ZBTB40: variants seen among roughly 807,000 people sequenced by gnomAD.
ZBTB40 encodes the protein zinc finger and BTB domain-containing protein 40.
A neutral mutation model predicts 117.5 loss-of-function variants in ZBTB40; 60 were observed. That is an observed-to-expected ratio of 0.51 (90% confidence interval 0.41 to 0.63). The LOEUF is 0.63. ZBTB40 is among the 30% of genes least tolerant of loss of function. The probability of loss-of-function intolerance (pLI) is 0.00; values close to 1 mark genes in which losing one functional copy is unlikely to be tolerated. For synonymous variants in ZBTB40, 525 were observed against 577.1 expected (o/e 0.91, Z 1.29); for missense variants, 1,287 against 1,498.5 (o/e 0.86, Z 2.33).
intron 1 of ZBTB40, among the ~76,000 whole-genome samples, chr1:22,459,900 T>G (rs1329195953): frequency 1.3e-5 from 2 of 152,222 alleles, no homozygotes; most frequent in Admixed American, 1.3e-4. Context: ...ATGTTTTTCC[T>G]TATATAAAAT....
chr1:22,451,153 G>T (rs376500683), upstream of ZBTB40, among the ~76,000 whole-genome samples: 59 of 150,190 alleles, frequency 3.9e-4, 1 homozygote, highest in African/African-American at 1.4e-3. Context: ...GGATCAGGAT[G>T]CCTCCAGGAT....
chr1:22,501,630 A>G lies in ZBTB40; in HGVS notation c.970A>G (p.Lys324Glu). Reference sequence around the variant, plus strand: ...GTACCAATATTCTAATCCTGCAGTAAAAACAGCACTATTAGACAGGAAGCC... The same window carrying G: ...GTACCAATATTCTAATCCTGCAGTAGAAACAGCACTATTAGACAGGAAGCC... ...RLYQYSNPAVKTALLDRKPED... is the reference protein window; with the variant it reads ...RLYQYSNPAVETALLDRKPED... Residue 324 changes from lysine to glutamate, a missense_variant, in exon 4 of 18, where the codon AAA becomes GAA. By Grantham distance (56) the Lys-to-Glu change is moderately conservative (BLOSUM62 1). Coordinates refer to ENST00000375647, the MANE Select transcript of ZBTB40 (RefSeq NM_014870.4). 1 of 1,614,158 alleles carries G rather than the reference A, an allele frequency of 6.2e-7. No individual in the cohort carries two copies. Among genetic ancestry groups the G allele is most frequent in the Non-Finnish European group, 8.5e-7 (1 of 1,180,004 alleles).
At position 22,526,765 on chromosome 1, in the gene ZBTB40, C is replaced by T. The variant is rs539743393; in HGVS notation, c.*369C>T. 5.1e-5 allele frequency: 17 copies of T among 330,446 alleles called. No individual in the cohort carries two copies. In the East Asian group the frequency reaches 1.2e-3, roughly 23 times the overall value. The allele number at this position is 330,446 out of a possible 1,614,324, so 20.5% of individuals were successfully genotyped here. A position where few individuals can be genotyped will look rare whatever the true frequency, so the allele number is the denominator to read the frequency against. The stretch of plus-strand genomic sequence containing the variant: ...CCCAGGAGGCATGATGTGCCGACAG[C>T]GCTCAGTGGGCAGAATGGCAGTTAG... On this transcript the variant is annotated 3_prime_UTR_variant, in exon 18 of 18. Transcript: ENST00000375647.
chr1:22,475,562 C>T (rs1283940308), intron 1 of ZBTB40, among the ~76,000 whole-genome samples: 1 of 152,182 alleles, frequency 6.6e-6, no homozygotes, highest in African/African-American at 2.4e-5. Context: ...TTTCTTTTCA[C>T]CTTGTCTGTT....
intron 1 of ZBTB40, among the ~76,000 whole-genome samples, chr1:22,467,776 GTT>G (rs35900750): frequency 0.3 from 38,528 of 130,312 alleles, 6,508 homozygotes; most frequent in East Asian, 0.47. Flanking sequence ...TGTCAGGCCT[GTT>G]TTTTTTTTTT....
upstream of ZBTB40, among the ~76,000 whole-genome samples, chr1:22,448,819 A>G (rs1295450353): frequency 6.8e-6 from 1 of 146,440 alleles, no homozygotes; most frequent in Non-Finnish European, 1.5e-5. Flanking sequence ...TTTCTTTTTA[A>G]ATTTTTTTTT....
At position 22,520,151 on chromosome 1, in the gene ZBTB40, A is replaced by G. The variant is rs140448247; in HGVS notation, c.2924A>G (p.Lys975Arg). 7 of 1,614,014 alleles carry G rather than the reference A, an allele frequency of 4.3e-6. No individual in the cohort carries two copies. Among genetic ancestry groups the G allele is most frequent in the Non-Finnish European group, 5.9e-6 (7 of 1,180,024 alleles). ...AAGCACATCCATGAGGTGCACTCCA[A>G]AGAGTACCACCCCTGCCCCACGTGT... ...HRKHIHEVHS[K>R]EYHPCPTCGK... The change falls in exon 14 of 18, where the codon AAA becomes AGA. Residue 975 changes from lysine (K) to arginine (R), a missense_variant. This residue lies in a region of ZBTB40 where 417 missense variants were observed against 564.1 expected (regional missense o/e 0.74). Coordinates refer to ENST00000375647, the MANE Select transcript of ZBTB40 (RefSeq NM_014870.4).
chr1:22,506,573 C>A (rs956892569), intron 6 of ZBTB40, among the ~76,000 whole-genome samples: 1 of 152,144 alleles, frequency 6.6e-6, no homozygotes, highest in Admixed American at 6.5e-5. Flanking sequence ...CAGCCATATT[C>A]GCAAATAGGA....
intron 1 of ZBTB40, among the ~76,000 whole-genome samples, chr1:22,462,042 G>A (rs1245622985): frequency 6.6e-6 from 1 of 152,176 alleles, no homozygotes; most frequent in African/African-American, 2.4e-5. Flanking sequence ...GAATGTGTGT[G>A]CGGTGTCTCA....
chr1:22,506,173 C>T lies in ZBTB40; in HGVS notation c.1292C>T (p.Thr431Met), dbSNP rs770580272. ...GTAAAACTCCTCCAGGCTGTGAAGA[C>T]GACTTTCCCAAACCTGGGCCTTCTG... ...GLVKLLQAVK[T>M]TFPNLGLLLE... Residue 431 changes from threonine (T) to methionine (M), a missense_variant, in exon 6 of 18, where the codon ACG becomes ATG. By Grantham distance (81) the Thr-to-Met change is moderately conservative. This residue lies in a region of ZBTB40 where 870 missense variants were observed against 934.4 expected (regional missense o/e 0.93). Coordinates refer to ENST00000375647, the MANE Select transcript of ZBTB40 (RefSeq NM_014870.4). The T allele has an allele frequency of 2.5e-5, 40 of 1,614,036 alleles. 1 individual carries two copies. Among genetic ancestry groups the T allele is most frequent in the Middle Eastern group, 3.3e-4 (2 of 6,082 alleles).
intron 8 of ZBTB40, 136 bp downstream of exon 8, chr1:22,508,867 C>G (rs1046697980): frequency 1.8e-6 from 2 of 1,111,198 alleles, no homozygotes; most frequent in Non-Finnish European, 2.6e-6. Context: ...CAGTTTTGTT[C>G]AAGGACACAA....
chr1:22,470,773 G>A (rs936970098), intron 1 of ZBTB40, among the ~76,000 whole-genome samples: 1 of 152,206 alleles, frequency 6.6e-6, no homozygotes, highest in Non-Finnish European at 1.5e-5. Context: ...ATGTCAGTTG[G>A]CAGTGCCCGT....
At chr1:22,524,971 G>C (rs915834461) in intron 17 of ZBTB40, among the ~76,000 whole-genome samples, 3 of 152,214 alleles carry the variant, frequency 2.0e-5, no homozygotes, top group African/African-American at 7.2e-5. Flanking sequence ...TCTCCAGAGA[G>C]GGTGGGCAGA....
intron 1 of ZBTB40, among the ~76,000 whole-genome samples, chr1:22,453,936 TTTTTATTTTA>T: frequency 6.6e-6 from 1 of 152,138 alleles, no homozygotes; most frequent in East Asian, 1.9e-4. Context: ...ATTGAACAAA[TTTTTATTTTA>T]TTTTATTTTA....
At chr1:22,457,210 C>A (rs983091848) in intron 1 of ZBTB40, among the ~76,000 whole-genome samples, 1 of 152,064 alleles carries the variant, frequency 6.6e-6, no homozygotes, top group Non-Finnish European at 1.5e-5. Flanking sequence ...TGTTTCCCTG[C>A]ATTTGTCCAC....
chr1:22,511,618 TA>T, intron 10 of ZBTB40, 57 bp from the exon 11 acceptor site: 1 of 1,579,334 alleles, frequency 6.3e-7, no homozygotes, highest in South Asian at 1.2e-5. Flanking sequence ...TTAGAAACGT[TA>T]TAAAGCAAAA....
At chr1:22,445,219 T>C (rs1336324872) in intron 1 of ZBTB40, among the ~76,000 whole-genome samples, 1 of 152,204 alleles carries the variant, frequency 6.6e-6, no homozygotes, top group African/African-American at 2.4e-5. Context: ...AATTTTATTT[T>C]TGATTTACAG....
In ZBTB40 at chr1:22,491,488, A is replaced by T. The variant is rs1157137580; in HGVS notation, c.786A>T (p.Leu262Phe). ...SDALMVTQDV[L>F]KKLEMCSEIK... ...CACTCATGGTTACCCAGGATGTTTT[A>T]AAAAAACTAGAAATGTGTTCAGAAA... is the stretch of plus-strand genomic sequence containing the variant. The change falls in exon 3 of 18, where the codon TTA becomes TTT. Residue 262 changes from leucine to phenylalanine, a missense_variant. Physicochemically the swap from Leu to Phe is conservative, Grantham distance 22. Coordinates refer to ENST00000375647, the MANE Select transcript of ZBTB40 (RefSeq NM_014870.4). 7 of 1,613,984 alleles carry T rather than the reference A, an allele frequency of 4.3e-6. No individual in the cohort carries two copies. Among genetic ancestry groups the T allele is most frequent in the South Asian group, 1.1e-5 (1 of 91,080 alleles).
intron 1 of ZBTB40, among the ~76,000 whole-genome samples, chr1:22,468,760 A>G (rs771441262): frequency 1.3e-5 from 2 of 149,430 alleles, no homozygotes; most frequent in Non-Finnish European, 3.0e-5. Flanking sequence ...TGGCCTCCCA[A>G]AATGTTGGGA....
Sources: gnomAD v4.1 joint callset for allele counts (sites outside exome capture counted in the v4.1 genomes callset) on GRCh38, gnomAD v4.1.1 for gene constraint, gnomAD v4.1.1 regional missense constraint, MANE v1.5 for transcripts, NCBI Gene and HGNC (gene_info 2026-07-23, HGNC 2026-07-21) for gene names.